The following MET variants were observed in gnomAD, a reference collection of about 807,000 sequenced individuals.
MET encodes the protein MET proto-oncogene, receptor tyrosine kinase, also known as hepatocyte growth factor receptor.
In MET, 48 loss-of-function variants were observed where a neutral mutation model predicts 133.1. That is an observed-to-expected ratio of 0.36 (90% confidence interval 0.29 to 0.46). The LOEUF (loss-of-function observed/expected upper bound fraction) is 0.46, where lower values mean the gene tolerates loss of function less well. Ranked by LOEUF, MET falls within the 20% of genes least tolerant of loss-of-function variation. MET has a pLI of 1.00. For missense variants in MET, 1,442 were observed against 1,695.9 expected (o/e 0.85, Z 2.63); for synonymous variants, 628 against 616.5 (o/e 1.02, Z -0.28).
chr7:116,723,805 G>A (rs968899321), intron 2 of MET, among the ~76,000 whole-genome samples: 5 of 152,164 alleles, frequency 3.3e-5, no homozygotes, highest in South Asian at 2.1e-4. Flanking sequence ...GGGGGTCAGG[G>A]GTCAGGGACC....
In MET at chr7:116,755,542, G is replaced by A. The variant is rs572599245; in HGVS notation, c.1862+27G>A. On this transcript the variant is annotated intron_variant, in intron 6 of 20. Coordinates refer to ENST00000397752, the MANE Select transcript of MET (RefSeq NM_000245.4). Reference sequence around the variant, plus strand: ...TAAGGATCTTAAAATGCTTTGCTGGGGTGTGCTTGGAAAATAGGTTTTGTT... The same window carrying A: ...TAAGGATCTTAAAATGCTTTGCTGGAGTGTGCTTGGAAAATAGGTTTTGTT... The A allele has an allele frequency of 6.8e-6, 11 of 1,613,572 alleles. No individual in the cohort carries two copies. In the African/African-American group the frequency reaches 8.0e-5, roughly 12 times the overall value.
At position 116,778,838 on chromosome 7, in the gene MET, A is replaced by T. The variant is rs1394199299; in HGVS notation, c.3403A>T (p.Ser1135Cys). ...LTEGIIMKDF[S>C]HPNVLSLLGI... ...CGAGGGAATCATCATGAAAGATTTT[A>T]GTCATCCCAATGTCCTCTCGCTCCT... The change falls in exon 17 of 21, where the codon AGT becomes TGT. Residue 1135 changes from serine (S) to cysteine (C), a missense_variant. Physicochemically the swap from Ser to Cys is moderately radical, Grantham distance 112 (BLOSUM62 -1). Around this residue, in one of 6 missense-constraint regions of MET, gnomAD observed 514 missense variants for 659.6 expected, o/e 0.78. Transcript: ENST00000397752. 3 of 1,614,082 alleles carry T rather than the reference A, an allele frequency of 1.9e-6. No individual in the cohort carries two copies. In the Admixed American group the frequency reaches 5.0e-5, roughly 27 times the overall value.
intron 2 of MET, among the ~76,000 whole-genome samples, chr7:116,724,459 G>T (rs572713479): frequency 6.6e-6 from 1 of 152,342 alleles, no homozygotes; most frequent in Admixed American, 6.5e-5. Context: ...GCTGTAGACC[G>T]GAGCTGTTCC....
At chr7:116,679,266 A>G (rs1796267041) in intron 1 of MET, among the ~76,000 whole-genome samples, 1 of 152,180 alleles carries the variant, frequency 6.6e-6, no homozygotes, top group South Asian at 2.1e-4. Context: ...CTTCTATTCA[A>G]TATTGATATC....
Position 116,735,502 on chromosome 7 carries a change from G to A in MET, c.1392+3643G>A, listed in dbSNP as rs186031932. Among the ~76,000 whole-genome samples, 177 of 152,176 alleles carry A rather than the reference G, an allele frequency of 1.2e-3. 3 individuals are homozygous for A. The highest frequency in any genetic ancestry group is 4.0e-3 in the African/African-American group (167 of 41,514). ...TTCCTTCAGTTCCCGTGCCCCCATC[G>A]TGGCATGTCAGTGCTTTCTGTGAGA... is the stretch of plus-strand genomic sequence containing the variant. On this transcript the variant is annotated intron_variant, in intron 3 of 20. Coordinates refer to ENST00000397752, the MANE Select transcript of MET (RefSeq NM_000245.4).
intron 1 of MET, among the ~76,000 whole-genome samples, chr7:116,686,911 G>T (rs1003118216): frequency 6.6e-6 from 1 of 152,156 alleles, no homozygotes; most frequent in Non-Finnish European, 1.5e-5. Context: ...AACTTATCCT[G>T]CAAGACACAG....
Position 116,700,477 on chromosome 7 carries a change from A to AT in MET, c.1200+193_1200+194insT, listed in dbSNP as rs35212357. 0.24 allele frequency among the ~76,000 whole-genome samples: 36,674 copies of AT among 151,974 alleles called. 4,504 individuals carry two copies. The highest frequency in any genetic ancestry group is 0.34 in the East Asian group (1,761 of 5,172). The stretch of plus-strand genomic sequence containing the variant: ...CCTAAAATTATATCTTTAAAATGTA[A>AT]ATGGTAACTAAAAGAAAAATGTTTT... On this transcript the variant is annotated intron_variant, in intron 2 of 20. Coordinates refer to ENST00000397752, the MANE Select transcript of MET (RefSeq NM_000245.4).
rs1233811822 is a variant in MET at position 116,720,260 on chromosome 7, G to A, written c.1201-11408G>A. Among the ~76,000 whole-genome samples, 9 of 138,672 alleles carry A rather than the reference G, an allele frequency of 6.5e-5. No homozygotes were observed. In the East Asian group the frequency reaches 1.5e-3, roughly 23 times the overall value. 91.0% of individuals were successfully genotyped at this position (138,672 alleles called of 152,430 possible). On this transcript the variant is annotated intron_variant, in intron 2 of 20. Coordinates refer to ENST00000397752, the MANE Select transcript of MET (RefSeq NM_000245.4). Reference sequence around the variant, plus strand: ...CTCTTTGAAGCAATTGTGAATGGGAGTTCACTCATGATTTGGCTCTCTGTT... The same window carrying A: ...CTCTTTGAAGCAATTGTGAATGGGAATTCACTCATGATTTGGCTCTCTGTT...
chr7:116,706,301 T>C lies in MET; in HGVS notation c.1200+6017T>C, dbSNP rs1172889878. On this transcript the variant is annotated intron_variant, in intron 2 of 20. Transcript: ENST00000397752. Reference sequence around the variant, plus strand: ...TATAACCTGTGTCTTATTTAGGTAGTTGATTTCTACACGGAGATTCATCTG... The same window carrying C: ...TATAACCTGTGTCTTATTTAGGTAGCTGATTTCTACACGGAGATTCATCTG... Among the ~76,000 whole-genome samples the C allele has an allele frequency of 2.6e-5, 4 of 152,152 alleles. No individual in the cohort carries two copies. In the East Asian group the frequency reaches 7.7e-4, roughly 29 times the overall value.
In MET at chr7:116,759,163, G is replaced by A. The variant is rs113698270; in HGVS notation, c.2265-228G>A. On this transcript the variant is annotated intron_variant, in intron 9 of 20. Transcript: ENST00000397752. ...GTGAAATATTTATTTTGTGTAATTC[G>A]GTGAATAAAATACAAATGCATTTCT... is the stretch of plus-strand genomic sequence containing the variant. Among the ~76,000 whole-genome samples, 386 of 151,990 alleles carry A rather than the reference G, an allele frequency of 2.5e-3. 2 individuals are homozygous for A. Among genetic ancestry groups the A allele is most frequent in the African/African-American group, 8.9e-3 (370 of 41,450 alleles).
At chr7:116,791,332 TC>T (rs1401474552) in intron 19 of MET, among the ~76,000 whole-genome samples, 1 of 152,168 alleles carries the variant, frequency 6.6e-6, no homozygotes, top group Non-Finnish European at 1.5e-5. Flanking sequence ...CCATAAGAGT[TC>T]CAGTTGTTCA....
In MET at chr7:116,716,521, G is replaced by GAAAGAAAGAAAGAA. The variant is rs1792242317; in HGVS notation, c.1201-15145_1201-15132dup. Among the ~76,000 whole-genome samples, 7 of 148,618 alleles carry GAAAGAAAGAAAGAA rather than the reference G, an allele frequency of 4.7e-5. No homozygotes were observed. In the South Asian group the frequency reaches 1.3e-3, roughly 27 times the overall value. On this transcript the variant is annotated intron_variant, in intron 2 of 20. Coordinates refer to ENST00000397752, the MANE Select transcript of MET (RefSeq NM_000245.4). ...AGAAAGAAAGAAAGAAAGAAAGAAA[G>GAAAGAAAGAAAGAA]AAAGAAAGAAAGAAAGAAGATATGA... is the stretch of plus-strand genomic sequence containing the variant.
At chr7:116,702,111 A>G (rs897618119) in intron 2 of MET, among the ~76,000 whole-genome samples, 1 of 152,146 alleles carries the variant, frequency 6.6e-6, no homozygotes, top group Non-Finnish European at 1.5e-5. Context: ...AAGGGAGACA[A>G]ACAGACAGGA....
chr7:116,791,142 G>A (rs751325832), intron 19 of MET, among the ~76,000 whole-genome samples: 5 of 152,148 alleles, frequency 3.3e-5, no homozygotes, highest in Non-Finnish European at 7.3e-5. Context: ...ATACATAATT[G>A]TAATGGCTAT....
At position 116,699,361 on chromosome 7, in the gene MET, C is replaced by G. The variant is rs527638748; in HGVS notation, c.277C>G (p.Pro93Ala). 1 of 1,613,984 alleles carries G rather than the reference C, an allele frequency of 6.2e-7. No individual in the cohort carries two copies. The highest frequency in any genetic ancestry group is 8.5e-7 in the Non-Finnish European group (1 of 1,179,940). ...CAAGACTGGGCCTGTGCTGGAACAC[C>G]CAGATTGTTTCCCATGTCAGGACTG... ...EYKTGPVLEH[P>A]DCFPCQDCSS... The change falls in exon 2 of 21, where the codon CCA becomes GCA. Residue 93 changes from proline (P) to alanine (A), a missense_variant. This residue lies in a region of MET where 762 missense variants were observed against 792.4 expected (regional missense o/e 0.96). Coordinates refer to ENST00000397752, the MANE Select transcript of MET (RefSeq NM_000245.4).
chr7:116,773,635 G>A (rs1232879423), intron 14 of MET, among the ~76,000 whole-genome samples: 1 of 152,140 alleles, frequency 6.6e-6, no homozygotes, highest in Non-Finnish European at 1.5e-5. Flanking sequence ...TACCCAGCTA[G>A]GCTCCTTCCT....
In MET at chr7:116,795,715, G is replaced by A. The variant is rs780102059; in HGVS notation, c.3859G>A (p.Val1287Ile). ...AAGAGGAGCCCCACCTTATCCTGACGTAAACACCTTTGATATAACTGTTTA... is the reference window on the plus strand; with the variant it reads ...AAGAGGAGCCCCACCTTATCCTGACATAAACACCTTTGATATAACTGTTTA... ...MTRGAPPYPDVNTFDITVYLL... is the reference protein window; with the variant it reads ...MTRGAPPYPDINTFDITVYLL... The change falls in exon 20 of 21, where the codon GTA becomes ATA. Residue 1287 changes from valine to isoleucine, a missense_variant. Transcript: ENST00000397752. 3.1e-6 allele frequency: 5 copies of A among 1,614,092 alleles called. No individual in the cohort carries two copies. The East Asian group carries it at 8.9e-5, about 29-fold the overall frequency.
intron 1 of MET, among the ~76,000 whole-genome samples, chr7:116,693,969 A>G (rs1298650856): frequency 6.6e-6 from 1 of 152,224 alleles, no homozygotes; most frequent in African/African-American, 2.4e-5. Flanking sequence ...TAGATGAGAA[A>G]ATACAGGCTT....
chr7:116,716,339 A>AGAGAGAG, intron 2 of MET, among the ~76,000 whole-genome samples: 1 of 105,238 alleles, frequency 9.5e-6, no homozygotes, highest in Non-Finnish European at 2.1e-5. Context: ...GAGAGAGAGA[A>AGAGAGAG]AAGAAACGGA....
Sources: gnomAD v4.1 joint callset for allele counts (sites outside exome capture counted in the v4.1 genomes callset) on GRCh38, gnomAD v4.1.1 for gene constraint, gnomAD v4.1.1 regional missense constraint, MANE v1.5 for transcripts, NCBI Gene and HGNC (gene_info 2026-07-23, HGNC 2026-07-21) for gene names.